PCDH9: variants seen among roughly 807,000 people sequenced by gnomAD.
PCDH9 encodes the protein protocadherin-9.
In PCDH9, 24 loss-of-function variants were observed where a neutral mutation model predicts 70.6. The ratio of observed to expected loss-of-function variants is 0.34; its 90% CI spans 0.25 to 0.48. The LOEUF is 0.48. PCDH9 is among the 20% of genes least tolerant of loss of function. The probability of loss-of-function intolerance (pLI) is 0.99; values close to 1 mark genes in which losing one functional copy is unlikely to be tolerated. For synonymous variants in PCDH9, 562 were observed against 558.5 expected (o/e 1.01, Z -0.09); for missense variants, 1,281 against 1,503.6 (o/e 0.85, Z 2.45).
At chr13:66,403,827 C>T (rs545706602) in intron 4 of PCDH9, among the ~76,000 whole-genome samples, 1 of 152,224 alleles carries the variant, frequency 6.6e-6, no homozygotes, top group African/African-American at 2.4e-5. Context: ...TAATTCTGAA[C>T]TTACAGACCC....
intron 4 of PCDH9, among the ~76,000 whole-genome samples, chr13:66,431,940 T>G (rs1351496415): frequency 1.3e-5 from 2 of 152,012 alleles, no homozygotes; most frequent in African/African-American, 4.8e-5. Context: ...TCTAACATTG[T>G]TGGTTTTGAT....
At chr13:67,160,355 C>A (rs2087922011) in intron 2 of PCDH9, among the ~76,000 whole-genome samples, 1 of 152,070 alleles carries the variant, frequency 6.6e-6, no homozygotes, top group South Asian at 2.1e-4. Context: ...ACCATCCTGG[C>A]GAACACGGTG....
chr13:66,978,967 T>G (rs2083681004), intron 2 of PCDH9, among the ~76,000 whole-genome samples: 1 of 151,846 alleles, frequency 6.6e-6, no homozygotes, highest in South Asian at 2.1e-4. Context: ...GCCAAAAATC[T>G]TATACATTTG....
intron 3 of PCDH9, among the ~76,000 whole-genome samples, chr13:66,776,411 G>A (rs1032567091): frequency 1.3e-5 from 2 of 150,884 alleles, no homozygotes; most frequent in Non-Finnish European, 2.9e-5. Flanking sequence ...TCCTTAAGCT[G>A]ATAAGCAACT....
chr13:66,833,399 C>A (rs1169389290), intron 3 of PCDH9, among the ~76,000 whole-genome samples: 1 of 152,130 alleles, frequency 6.6e-6, no homozygotes, highest in Non-Finnish European at 1.5e-5. Flanking sequence ...CCAGCTCCTC[C>A]ATACATTTCA....
intron 3 of PCDH9, among the ~76,000 whole-genome samples, chr13:66,853,136 T>C (rs965696115): frequency 4.0e-5 from 6 of 151,130 alleles, no homozygotes; most frequent in African/African-American, 1.5e-4. Context: ...AGTACAGAAA[T>C]AGTCAAAAAC....
intron 4 of PCDH9, among the ~76,000 whole-genome samples, chr13:66,585,463 T>A (rs1367824503): frequency 6.6e-6 from 1 of 152,132 alleles, no homozygotes; most frequent in Non-Finnish European, 1.5e-5. Flanking sequence ...CCTGAATAAG[T>A]GAGATTCATC....
chr13:66,462,579 C>T (rs147060795), intron 4 of PCDH9, among the ~76,000 whole-genome samples: 251 of 151,876 alleles, frequency 1.7e-3, no homozygotes, highest in Middle Eastern at 3.4e-3. Flanking sequence ...TATTGTTGTC[C>T]TAGCCCTGGA....
At chr13:67,054,462 TG>T (rs1235834666) in intron 2 of PCDH9, among the ~76,000 whole-genome samples, 3 of 152,188 alleles carry the variant, frequency 2.0e-5, no homozygotes, top group Non-Finnish European at 4.4e-5. Context: ...TACTTTTGTT[TG>T]AAAATAATTT....
At chr13:66,508,222 T>C (rs1033040782) in intron 4 of PCDH9, among the ~76,000 whole-genome samples, 6 of 152,188 alleles carry the variant, frequency 3.9e-5, no homozygotes, top group African/African-American at 1.4e-4. Flanking sequence ...ACAAGTTGCA[T>C]TTGGAAGACA....
intron 2 of PCDH9, among the ~76,000 whole-genome samples, chr13:67,172,301 AACAT>A (rs2088309921): frequency 6.6e-6 from 1 of 152,152 alleles, no homozygotes. Context: ...CATCATTCTA[AACAT>A]ACCTCTCCAG....
chr13:67,050,573 A>G (rs2085302258), intron 2 of PCDH9, among the ~76,000 whole-genome samples: 1 of 152,190 alleles, frequency 6.6e-6, no homozygotes, highest in Non-Finnish European at 1.5e-5. Flanking sequence ...CTCATCTATA[A>G]GCAGTAGGCA....
rs9571689 is a variant in PCDH9, at chr13:66,906,644, T to C, written c.3037-3039A>G. ...CCTGTTTTTGGAACAGTGAATGGCATGAAAGGAAAATTTCTAACTTACTGT... is the reference window on the plus strand; with the variant it reads ...CCTGTTTTTGGAACAGTGAATGGCACGAAAGGAAAATTTCTAACTTACTGT... On this transcript the variant is annotated intron_variant, in intron 2 of 4. Transcript: ENST00000377865. Among the ~76,000 whole-genome samples, 272 of 152,328 alleles carry C rather than the reference T, an allele frequency of 1.8e-3. 2 individuals carry two copies. In the East Asian group the frequency reaches 0.019, roughly 11 times the overall value.
chr13:66,748,146 A>T (rs1346056790), intron 3 of PCDH9, among the ~76,000 whole-genome samples: 1 of 152,232 alleles, frequency 6.6e-6, no homozygotes, highest in Non-Finnish European at 1.5e-5. Flanking sequence ...AGGAAACCTT[A>T]GCTTAGATTG....
chr13:66,865,284 C>T (rs902234083), intron 3 of PCDH9, among the ~76,000 whole-genome samples: 1 of 152,142 alleles, frequency 6.6e-6, no homozygotes. Flanking sequence ...GGTATGTGGA[C>T]ACATTTGCCT....
intron 3 of PCDH9, among the ~76,000 whole-genome samples, chr13:66,754,147 C>G (rs1036496723): frequency 2.6e-5 from 4 of 152,034 alleles, no homozygotes; most frequent in African/African-American, 9.7e-5. Flanking sequence ...ACTGCATGTT[C>G]TCACTCAAAA....
At chr13:67,129,950 A>T (rs2087070848) in intron 2 of PCDH9, among the ~76,000 whole-genome samples, 1 of 152,134 alleles carries the variant, frequency 6.6e-6, no homozygotes, top group African/African-American at 2.4e-5. Context: ...AAAGCATGAG[A>T]GTTAGACTTG....
At chr13:66,668,908 G>C (rs1180463902) in intron 3 of PCDH9, among the ~76,000 whole-genome samples, 1 of 152,070 alleles carries the variant, frequency 6.6e-6, no homozygotes, top group Non-Finnish European at 1.5e-5. Flanking sequence ...TCTCAGGTTT[G>C]TTTTTAATAA....
chr13:66,396,573 C>CAGACAGATAGATAGACAAACAACTAAAT (rs1957104653), intron 4 of PCDH9, among the ~76,000 whole-genome samples: 1 of 152,112 alleles, frequency 6.6e-6, no homozygotes, highest in Non-Finnish European at 1.5e-5. Context: ...AATGAATATA[C>CAGACAGATAGATAGACAAACAACTAAAT]GAAATAGATA....
Sources: gnomAD v4.1 joint callset for allele counts (sites outside exome capture counted in the v4.1 genomes callset) on GRCh38, gnomAD v4.1.1 for gene constraint, MANE v1.5 for transcripts, NCBI Gene and HGNC (gene_info 2026-07-23, HGNC 2026-07-21) for gene names.